Variants in PKIB observed in about 807,000 individuals in gnomAD.
PKIB encodes the protein PKI-beta.
PKIB carries 2 observed loss-of-function variants against 4.5 expected under a neutral mutation model. The observed-to-expected ratio is 0.44, with a 90% CI of 0.18 to 1.39. The LOEUF (loss-of-function observed/expected upper bound fraction) is 1.39. Ranked by LOEUF, PKIB falls within the 40% of genes most tolerant of loss-of-function variation. The pLI, the probability that PKIB is intolerant of heterozygous loss-of-function variation, is 0.27. For missense variants in PKIB, 94 were observed against 92.6 expected (o/e 1.02, Z -0.06); for synonymous variants, 38 against 36.0 (o/e 1.06, Z -0.20).
chr6:122,613,677 T>C (rs1774857254), intron 1 of PKIB, among the ~76,000 whole-genome samples: 1 of 152,086 alleles, frequency 6.6e-6, no homozygotes, highest in Non-Finnish European at 1.5e-5. Context: ...GAAGTACAAC[T>C]GGTTTTGGCC....
chr6:122,601,884 C>T (rs1456403273), intron 3 of PKIB, among the ~76,000 whole-genome samples: 2 of 152,110 alleles, frequency 1.3e-5, no homozygotes, highest in African/African-American at 4.8e-5. Flanking sequence ...GGATTTTCAA[C>T]AGGCGAGGGT....
At chr6:122,713,876 C>A (rs1480317933) in intron 3 of PKIB, among the ~76,000 whole-genome samples, 1 of 152,174 alleles carries the variant, frequency 6.6e-6, no homozygotes, top group Non-Finnish European at 1.5e-5. Context: ...GGTTACATTG[C>A]ATTCATAATG....
At chr6:122,590,116 A>G (rs931574666) in intron 3 of PKIB, among the ~76,000 whole-genome samples, 6 of 152,198 alleles carry the variant, frequency 3.9e-5, no homozygotes, top group Non-Finnish European at 7.4e-5. Context: ...ATGCCAAATT[A>G]TTGGTAAGGA....
At chr6:122,627,918 CAT>C (rs1775524238) in intron 1 of PKIB, among the ~76,000 whole-genome samples, 1 of 151,984 alleles carries the variant, frequency 6.6e-6, no homozygotes, top group South Asian at 2.1e-4. Flanking sequence ...TAAGTAAACT[CAT>C]ACAAGATTTT....
rs191598578 is a variant in PKIB, at chr6:122,626,318, C to T, written c.-160-6965C>T. On this transcript the variant is annotated intron_variant, in intron 1 of 4. Transcript: ENST00000368452. ...AGTTATTATTTACCTTTTGCTAATA[C>T]GAGTAAAGATTTATGAATTTCCATT... Among the ~76,000 whole-genome samples, 64 of 152,196 alleles carry T rather than the reference C, an allele frequency of 4.2e-4. No individual in the cohort carries two copies. The East Asian group carries it at 0.01, about 24-fold the overall frequency.
upstream of PKIB, among the ~76,000 whole-genome samples, chr6:122,605,936 A>G (rs545352357): frequency 3.9e-5 from 6 of 152,342 alleles, no homozygotes; most frequent in Admixed American, 3.9e-4. Context: ...TGCCAGTGTC[A>G]TCCAGCCTTG....
At chr6:122,693,622 T>C (rs1778437992) in intron 3 of PKIB, among the ~76,000 whole-genome samples, 1 of 152,216 alleles carries the variant, frequency 6.6e-6, no homozygotes, top group African/African-American at 2.4e-5. Flanking sequence ...TTTGATAACA[T>C]ACACTTTCTC....
At chr6:122,704,498 T>C (rs936092610) in intron 3 of PKIB, among the ~76,000 whole-genome samples, 1 of 152,122 alleles carries the variant, frequency 6.6e-6, no homozygotes, top group African/African-American at 2.4e-5. Context: ...AATAGATCTT[T>C]TCAGTCATCA....
chr6:122,598,828 C>T (rs1439167453), intron 3 of PKIB, among the ~76,000 whole-genome samples: 1 of 152,116 alleles, frequency 6.6e-6, no homozygotes, highest in Non-Finnish European at 1.5e-5. Flanking sequence ...CCCTGAGCTG[C>T]AACATTAAAT....
chr6:122,566,448 C>T (rs1562253762), intron 2 of PKIB, among the ~76,000 whole-genome samples: 1 of 152,032 alleles, frequency 6.6e-6, no homozygotes, highest in Non-Finnish European at 1.5e-5. Flanking sequence ...CCTCAAAACT[C>T]ATATGTAGAT....
intron 1 of PKIB, among the ~76,000 whole-genome samples, chr6:122,476,249 C>G (rs1038990108): frequency 6.6e-5 from 10 of 152,176 alleles, no homozygotes; most frequent in African/African-American, 2.2e-4. Flanking sequence ...TTAGTTATAT[C>G]TTAAATGTAA....
chr6:122,596,829 C>G (rs988289168), intron 3 of PKIB, among the ~76,000 whole-genome samples: 3 of 152,198 alleles, frequency 2.0e-5, no homozygotes, highest in Non-Finnish European at 2.9e-5. Flanking sequence ...GCAGATTGCA[C>G]AGCAGCCTGG....
chr6:122,689,716 A>G (rs1778245205), intron 3 of PKIB, among the ~76,000 whole-genome samples: 1 of 152,156 alleles, frequency 6.6e-6, no homozygotes, highest in South Asian at 2.1e-4. Flanking sequence ...GAGGAGAAAA[A>G]TGTGTATTCT....
At chr6:122,544,259 A>C (rs1772414539) in intron 2 of PKIB, among the ~76,000 whole-genome samples, 1 of 152,040 alleles carries the variant, frequency 6.6e-6, no homozygotes, top group Non-Finnish European at 1.5e-5. Flanking sequence ...AAGCATTCAA[A>C]CTAATAAACT....
At chr6:122,533,626 T>C (rs1777324720) in intron 2 of PKIB, among the ~76,000 whole-genome samples, 1 of 152,222 alleles carries the variant, frequency 6.6e-6, no homozygotes, top group Admixed American at 6.5e-5. Context: ...ATTTTCTTGC[T>C]TATGTTTTAA....
chr6:122,618,259 G>A lies in PKIB; in HGVS notation c.-161+7724G>A, dbSNP rs72964506. On this transcript the variant is annotated intron_variant, in intron 1 of 4. Coordinates refer to ENST00000368452, the MANE Select transcript of PKIB (RefSeq NM_181795.3). Reference sequence around the variant, plus strand: ...TTGAAAGTAGAATTCAACTTTTCAAGGGCAGTATGTGCTTACTGTTATAAA... The same window carrying A: ...TTGAAAGTAGAATTCAACTTTTCAAAGGCAGTATGTGCTTACTGTTATAAA... Among the ~76,000 whole-genome samples, 1,067 of 152,154 alleles carry A rather than the reference G, an allele frequency of 7.0e-3. 7 individuals carry two copies. The highest frequency in any genetic ancestry group is 0.017 in the Middle Eastern group (5 of 292).
intron 2 of PKIB, among the ~76,000 whole-genome samples, chr6:122,670,182 T>C (rs1777398272): frequency 6.6e-6 from 1 of 152,054 alleles, no homozygotes; most frequent in South Asian, 2.1e-4. Flanking sequence ...AAGTGGAGTA[T>C]ATCACTTCTG....
At chr6:122,576,689 A>AAAATAAAAATATATAT (rs1345822382) in intron 2 of PKIB, among the ~76,000 whole-genome samples, 1 of 34,314 alleles carries the variant, frequency 2.9e-5, no homozygotes, top group African/African-American at 1.3e-4. Context: ...AAAAAAAAAA[A>AAAATAAAAATATATAT]ATATATATAT....
At chr6:122,489,379 C>T (rs1775874421) in intron 2 of PKIB, among the ~76,000 whole-genome samples, 1 of 152,096 alleles carries the variant, frequency 6.6e-6, no homozygotes, top group Non-Finnish European at 1.5e-5. Context: ...TCCTGAGTAG[C>T]TGGGATTACA....
Sources: gnomAD v4.1 joint callset for allele counts (sites outside exome capture counted in the v4.1 genomes callset) on GRCh38, gnomAD v4.1.1 for gene constraint, MANE v1.5 for transcripts, NCBI Gene and HGNC (gene_info 2026-07-23, HGNC 2026-07-21) for gene names.